Variants in ST6GALNAC3 observed in about 807,000 individuals in gnomAD.
The protein encoded by ST6GALNAC3 is ST6 N-acetylgalactosaminide alpha-2,6-sialyltransferase 3.
A neutral mutation model predicts 32.7 loss-of-function variants in ST6GALNAC3; 25 were observed. The observed-to-expected ratio is 0.76, with a 90% CI of 0.56 to 1.07. ST6GALNAC3 has a LOEUF of 1.07. Ranked by LOEUF, ST6GALNAC3 falls within the 50% of genes least tolerant of loss-of-function variation. ST6GALNAC3 has a pLI of 0.00. For synonymous variants in ST6GALNAC3, 129 were observed against 133.1 expected (o/e 0.97, Z 0.21); for missense variants, 355 against 382.4 (o/e 0.93, Z 0.60).
Position 76,243,761 on chromosome 1 carries a change from T to C in ST6GALNAC3, c.19-70044T>C, listed in dbSNP as rs1265905413. Among the ~76,000 whole-genome samples, 7 of 152,328 alleles carry C rather than the reference T, an allele frequency of 4.6e-5. No individual in the cohort carries two copies. In the East Asian group the frequency reaches 1.4e-3, roughly 29 times the overall value. ...AAGTTTGTTGAAGATCAGATGGTTG[T>C]AGATGTGTGGTGTTATTTCTGAGGT... On this transcript the variant is annotated intron_variant, in intron 1 of 4. Coordinates refer to ENST00000328299, the MANE Select transcript of ST6GALNAC3 (RefSeq NM_152996.4).
At chr1:76,520,820 A>G (rs930753886) in intron 3 of ST6GALNAC3, among the ~76,000 whole-genome samples, 3 of 152,208 alleles carry the variant, frequency 2.0e-5, no homozygotes, top group Non-Finnish European at 2.9e-5. Context: ...TTGTAACTAC[A>G]TGGTACACAG....
intron 1 of ST6GALNAC3, among the ~76,000 whole-genome samples, chr1:76,125,194 T>C (rs1649161026): frequency 6.6e-6 from 1 of 152,190 alleles, no homozygotes; most frequent in Admixed American, 6.5e-5. Context: ...CCAACAAGGT[T>C]TCCATCTGCT....
At chr1:76,544,392 T>G (rs1256451940) in intron 3 of ST6GALNAC3, among the ~76,000 whole-genome samples, 1 of 151,902 alleles carries the variant, frequency 6.6e-6, no homozygotes, top group Admixed American at 6.6e-5. Flanking sequence ...GTGGAAGGAG[T>G]GAGATCAATT....
At chr1:76,439,509 A>T (rs1284346651) in intron 3 of ST6GALNAC3, among the ~76,000 whole-genome samples, 1 of 152,248 alleles carries the variant, frequency 6.6e-6, no homozygotes, top group Admixed American at 6.5e-5. Flanking sequence ...GTGCTTTAAC[A>T]AAAGTATACC....
intron 1 of ST6GALNAC3, among the ~76,000 whole-genome samples, chr1:76,085,695 A>G (rs1423611920): frequency 6.6e-6 from 1 of 152,132 alleles, no homozygotes; most frequent in Non-Finnish European, 1.5e-5. Flanking sequence ...AAGAATTTGT[A>G]TCTCTAACAA....
chr1:76,512,576 T>G (rs1661932248), intron 3 of ST6GALNAC3, among the ~76,000 whole-genome samples: 1 of 152,184 alleles, frequency 6.6e-6, no homozygotes, highest in South Asian at 2.1e-4. Context: ...GGTGGAACAT[T>G]CAAAAGCTTC....
intron 1 of ST6GALNAC3, among the ~76,000 whole-genome samples, chr1:76,214,589 A>G (rs887622190): frequency 2.7e-4 from 41 of 152,214 alleles, no homozygotes; most frequent in African/African-American, 8.9e-4. Context: ...CATTTACTTC[A>G]GTGACTGGAA....
rs865888963 is a variant in ST6GALNAC3, at chr1:76,310,473, T to A, written c.19-3332T>A. 1.2e-4 allele frequency among the ~76,000 whole-genome samples: 19 copies of A among 152,258 alleles called. No homozygotes were observed. The East Asian group carries it at 3.1e-3, about 25-fold the overall frequency. ...CTTTCAGGCGATTGGAAGATTAGGC[T>A]GGCGAGATGGAGGGCTGGGGCTTTT... is the stretch of plus-strand genomic sequence containing the variant. On this transcript the variant is annotated intron_variant, in intron 1 of 4. Coordinates refer to ENST00000328299, the MANE Select transcript of ST6GALNAC3 (RefSeq NM_152996.4).
intron 1 of ST6GALNAC3, among the ~76,000 whole-genome samples, chr1:76,295,956 G>A (rs779185557): frequency 6.6e-5 from 10 of 151,982 alleles, no homozygotes; most frequent in Non-Finnish European, 8.8e-5. Context: ...ATGGAGGGTC[G>A]GAGTGATCTT....
intron 1 of ST6GALNAC3, among the ~76,000 whole-genome samples, chr1:76,251,479 C>G (rs1372655977): frequency 6.6e-6 from 1 of 152,148 alleles, no homozygotes; most frequent in Non-Finnish European, 1.5e-5. Flanking sequence ...TCTTTCTAGC[C>G]TTGTCTCACA....
At chr1:76,217,518 T>C (rs1302747358) in intron 1 of ST6GALNAC3, among the ~76,000 whole-genome samples, 3 of 152,012 alleles carry the variant, frequency 2.0e-5, no homozygotes, top group Non-Finnish European at 2.9e-5. Context: ...AACTTCTTCT[T>C]ATTATTATTA....
chr1:76,519,734 T>G (rs1662396000), intron 3 of ST6GALNAC3, among the ~76,000 whole-genome samples: 1 of 151,718 alleles, frequency 6.6e-6, no homozygotes, highest in South Asian at 2.1e-4. Flanking sequence ...TTTAATCTTC[T>G]ATTTTATTAT....
intron 1 of ST6GALNAC3, among the ~76,000 whole-genome samples, chr1:76,219,572 T>C (rs1332132922): frequency 2.6e-5 from 4 of 152,156 alleles, no homozygotes; most frequent in Non-Finnish European, 5.9e-5. Context: ...AGAAATGTGC[T>C]CTCCCTAGAA....
At chr1:76,330,923 G>A (rs1482325852) in intron 2 of ST6GALNAC3, among the ~76,000 whole-genome samples, 1 of 152,184 alleles carries the variant, frequency 6.6e-6, no homozygotes, top group Non-Finnish European at 1.5e-5. Context: ...TCTTCAGAGT[G>A]CATTCCACAG....
intron 3 of ST6GALNAC3, among the ~76,000 whole-genome samples, chr1:76,428,035 A>G (rs897469559): frequency 6.6e-6 from 1 of 152,088 alleles, no homozygotes; most frequent in Non-Finnish European, 1.5e-5. Flanking sequence ...CAAATATTCT[A>G]TTAGATGTTA....
intron 2 of ST6GALNAC3, among the ~76,000 whole-genome samples, chr1:76,317,910 T>C (rs559864111): frequency 1.3e-5 from 2 of 152,272 alleles, no homozygotes; most frequent in Non-Finnish European, 1.5e-5. Context: ...TCTGATTCTT[T>C]AGTTATCTTT....
chr1:76,296,151 C>T (rs192714629), intron 1 of ST6GALNAC3, among the ~76,000 whole-genome samples: 1 of 152,094 alleles, frequency 6.6e-6, no homozygotes, highest in Non-Finnish European at 1.5e-5. Context: ...GTTTACTTGC[C>T]TTTGAGTCAA....
chr1:76,355,188 T>C (rs1004709770), intron 2 of ST6GALNAC3, among the ~76,000 whole-genome samples: 5 of 152,206 alleles, frequency 3.3e-5, no homozygotes, highest in Non-Finnish European at 7.3e-5. Context: ...TCAGAATTTC[T>C]TGAAAATGAC....
intron 2 of ST6GALNAC3, among the ~76,000 whole-genome samples, chr1:76,371,635 G>A (rs553006488): frequency 5.3e-5 from 8 of 152,300 alleles, no homozygotes; most frequent in African/African-American, 1.4e-4. Context: ...TAGCGAGTCC[G>A]AGATTCTCTC....
Sources: allele counts gnomAD v4.1 joint callset (sites outside exome capture counted in the v4.1 genomes callset), GRCh38; gene constraint gnomAD v4.1.1; transcripts MANE v1.5; gene names NCBI Gene and HGNC (gene_info 2026-07-23, HGNC 2026-07-21).